ACOT11: variants seen among roughly 807,000 people sequenced by gnomAD.
ACOT11 encodes the protein acyl-CoA thioesterase 11, also known as acyl-coenzyme A thioesterase 11.
Under a neutral mutation model 77.5 loss-of-function variants are expected in ACOT11, and 69 were observed. The ratio of observed to expected loss-of-function variants is 0.89; its 90% CI spans 0.73 to 1.09. The LOEUF (loss-of-function observed/expected upper bound fraction) is 1.09. ACOT11 is among the 50% of genes least tolerant of loss of function. The pLI is 0.00. For missense variants in ACOT11, 766 were observed against 813.7 expected (o/e 0.94, Z 0.71); for synonymous variants, 279 against 313.0 (o/e 0.89, Z 1.15).
intron 13 of ACOT11, among the ~76,000 whole-genome samples, chr1:54,606,554 TG>T (rs1339245087): frequency 6.6e-6 from 1 of 152,202 alleles, no homozygotes; most frequent in East Asian, 1.9e-4. Flanking sequence ...CCTGATAGCC[TG>T]GACACACCCC....
At chr1:54,623,828 T>C (rs1411730310) in intron 15 of ACOT11, among the ~76,000 whole-genome samples, 1 of 152,218 alleles carries the variant, frequency 6.6e-6, no homozygotes, top group Non-Finnish European at 1.5e-5. Context: ...AAGGAGGCAC[T>C]AGACTGGGTG....
At chr1:54,611,780 G>A (rs759334822), downstream of ACOT11, 23 of 1,612,196 alleles carry the variant, frequency 1.4e-5, no homozygotes, top group African/African-American at 2.7e-5. Flanking sequence ...TGCCTGTCTG[G>A]GCCCAGCAAG....
intron 15 of ACOT11, among the ~76,000 whole-genome samples, chr1:54,618,903 A>T (rs1038327452): frequency 4.6e-5 from 7 of 152,200 alleles, no homozygotes; most frequent in African/African-American, 1.4e-4. Flanking sequence ...CTGGTTAGGC[A>T]TTCACTAAGT....
chr1:54,561,041 C>G (rs1653457274), intron 1 of ACOT11, among the ~76,000 whole-genome samples: 1 of 151,944 alleles, frequency 6.6e-6, no homozygotes, highest in Non-Finnish European at 1.5e-5. Flanking sequence ...GCTGGGATTA[C>G]AGGTGTGAGC....
intron 15 of ACOT11, among the ~76,000 whole-genome samples, chr1:54,608,550 C>A (rs1035535762): frequency 2.6e-5 from 4 of 152,114 alleles, no homozygotes; most frequent in African/African-American, 9.7e-5. Flanking sequence ...GAGACTCAGC[C>A]GGTGTTTGCT....
chr1:54,598,774 G>A (rs1393517213), intron 7 of ACOT11: 4 of 151,172 alleles, frequency 2.6e-5, no homozygotes, highest in Non-Finnish European at 5.9e-5. Context: ...CCGGGAGGCG[G>A]AGGTTGCAGT....
At chr1:54,610,336 CCGG>C (rs1327296232), downstream of ACOT11, 4 of 1,563,426 alleles carry the variant, frequency 2.6e-6, no homozygotes, top group Admixed American at 5.6e-5. Flanking sequence ...GCAACAGAGA[CCGG>C]CGGTACCTGC....
chr1:54,628,599 C>CA (rs1477196481), intron 15 of ACOT11, among the ~76,000 whole-genome samples: 2 of 122,884 alleles, frequency 1.6e-5, no homozygotes, highest in Admixed American at 8.4e-5. Context: ...CATCGCCCCC[C>CA]CCCCCCAAAA....
chr1:54,635,045 A>G, exon 17 of ACOT11: 1 of 373,362 alleles, frequency 2.7e-6, no homozygotes, highest in Non-Finnish European at 4.7e-6. Flanking sequence ...TGACACAGTT[A>G]CACATGCTTT....
chr1:54,562,599 C>T (rs1569655314), intron 1 of ACOT11, among the ~76,000 whole-genome samples: 1 of 148,248 alleles, frequency 6.7e-6, no homozygotes, highest in Non-Finnish European at 1.5e-5. Flanking sequence ...AGAGGCTCCT[C>T]ACTTCTCAGA....
chr1:54,602,648 C>G (rs2101001622), intron 9 of ACOT11, 21 bp from the exon 10 acceptor site: 3 of 1,515,492 alleles, frequency 2.0e-6, no homozygotes, highest in South Asian at 2.6e-5. Context: ...AGCTGGTTGC[C>G]TATCCCGACT....
At chr1:54,593,891 G>A (rs776208964) in intron 4 of ACOT11, 50 bp from the exon 5 acceptor site, 9 of 1,509,118 alleles carry the variant, frequency 6.0e-6, no homozygotes, top group Non-Finnish European at 8.3e-6. Context: ...CTTCTAACTG[G>A]TGAGTGCAAT....
intron 11 of ACOT11, 101 bp from the exon 12 acceptor site, chr1:54,604,245 C>A: frequency 5.4e-6 from 6 of 1,110,648 alleles, no homozygotes; most frequent in South Asian, 1.3e-5. Context: ...ACCGCCCAAC[C>A]CATTCCTGGC....
intron 15 of ACOT11, among the ~76,000 whole-genome samples, chr1:54,626,825 T>C (rs1644275164): frequency 7.4e-6 from 1 of 134,674 alleles, no homozygotes; most frequent in African/African-American, 2.5e-5. Context: ...TTATTTAGTG[T>C]TTGTGACACT....
chr1:54,597,483 C>A, intron 7 of ACOT11, 68 bp downstream of exon 7: 2 of 1,503,448 alleles, frequency 1.3e-6, no homozygotes, highest in Non-Finnish European at 1.8e-6. Flanking sequence ...CTACCTCCCT[C>A]TGGAGGGGAA....
In ACOT11 at chr1:54,609,697, A is replaced by G; in HGVS notation, c.*585A>G. Reference sequence around the variant, plus strand: ...AACTCCCGTGGGAGATTTTGGCCCCAACCCACACAGGCCAATGCAAGAGGC... The same window carrying G: ...AACTCCCGTGGGAGATTTTGGCCCCGACCCACACAGGCCAATGCAAGAGGC... On this transcript the variant is annotated 3_prime_UTR_variant, in exon 16 of 16. Transcript: ENST00000343744. 3 of 1,614,088 alleles carry G rather than the reference A, an allele frequency of 1.9e-6. No individual in the cohort carries two copies. The highest frequency in any genetic ancestry group is 1.3e-5 in the African/African-American group (1 of 75,076).
chr1:54,624,770 C>T (rs1644261875), intron 15 of ACOT11, among the ~76,000 whole-genome samples: 1 of 152,026 alleles, frequency 6.6e-6, no homozygotes, highest in Non-Finnish European at 1.5e-5. Context: ...GGGCAGAGGT[C>T]AGAGCAGAGC....
At chr1:54,594,829 C>T in intron 6 of ACOT11, 138 bp downstream of exon 6, 1 of 1,237,818 alleles carries the variant, frequency 8.1e-7, no homozygotes, top group Non-Finnish European at 1.1e-6. Flanking sequence ...CCTCTCCTAG[C>T]CCTCTTGGCT....
intron 13 of ACOT11, among the ~76,000 whole-genome samples, chr1:54,606,921 T>C (rs1644032896): frequency 6.6e-6 from 1 of 152,236 alleles, no homozygotes; most frequent in Non-Finnish European, 1.5e-5. Context: ...CTTGCATGCA[T>C]GTCTACATGT....
Sources: gnomAD v4.1 joint callset for allele counts (sites outside exome capture counted in the v4.1 genomes callset) on GRCh38, gnomAD v4.1.1 for gene constraint, MANE v1.5 for transcripts, NCBI Gene and HGNC (gene_info 2026-07-23, HGNC 2026-07-21) for gene names.